GRIK2: variants seen among roughly 807,000 people sequenced by gnomAD.
GRIK2 encodes the protein glutamate ionotropic receptor kainate type subunit 2.
In GRIK2, 32 loss-of-function variants were observed where a neutral mutation model predicts 100.3. That is an observed-to-expected ratio of 0.32 (90% confidence interval 0.24 to 0.43). GRIK2 has a LOEUF of 0.43. Among genes scored for constraint, GRIK2 ranks in the 20% least tolerant of loss-of-function variants. GRIK2 has a pLI of 1.00. For synonymous variants in GRIK2, 417 were observed against 389.4 expected, an observed-to-expected ratio of 1.07 and a Z score of -0.83; for missense variants, 843 against 1,114.9, an observed-to-expected ratio of 0.76 and a Z score of 3.47.
intron 2 of GRIK2, among the ~76,000 whole-genome samples, chr6:101,457,999 A>T (rs971263436): frequency 1.3e-5 from 2 of 152,314 alleles, no homozygotes; most frequent in East Asian, 3.9e-4. Flanking sequence ...GCAGAAAGCA[A>T]AAGCACTTAA....
intron 1 of GRIK2, among the ~76,000 whole-genome samples, chr6:101,398,068 A>G (rs919437997): frequency 1.3e-5 from 2 of 152,188 alleles, no homozygotes; most frequent in African/African-American, 4.8e-5. Context: ...TAGTGACTCT[A>G]AATATTCCTA....
At chr6:101,760,428 A>G (rs1250792938) in intron 7 of GRIK2, among the ~76,000 whole-genome samples, 3 of 24,244 alleles carry the variant, frequency 1.2e-4, no homozygotes, top group Non-Finnish European at 1.8e-4. Flanking sequence ...AATTAATTAT[A>G]TTTAATTATA....
intron 8 of GRIK2, 116 bp downstream of exon 8, chr6:101,799,907 T>C (rs563410924): frequency 7.6e-6 from 6 of 790,272 alleles, no homozygotes; most frequent in Non-Finnish European, 1.0e-5. Context: ...TTAAATTTTC[T>C]CTCTTACTCC....
chr6:101,892,300 C>G (rs184940614), intron 12 of GRIK2, among the ~76,000 whole-genome samples: 13 of 152,276 alleles, frequency 8.5e-5, no homozygotes, highest in Admixed American at 5.2e-4. Context: ...AAAGCAAATA[C>G]TGAAACATCT....
intron 2 of GRIK2, among the ~76,000 whole-genome samples, chr6:101,471,486 TGGA>T (rs1417592686): frequency 2.0e-5 from 3 of 152,062 alleles, no homozygotes; most frequent in Non-Finnish European, 4.4e-5. Context: ...TTTTGACTAC[TGGA>T]ATCTAATTAT....
At chr6:102,045,433 G>C (rs1021119202) in intron 15 of GRIK2, among the ~76,000 whole-genome samples, 2 of 152,030 alleles carry the variant, frequency 1.3e-5, no homozygotes, top group African/African-American at 2.4e-5. Flanking sequence ...AAAGGAAAAA[G>C]ATAGTGAGAG....
intron 2 of GRIK2, among the ~76,000 whole-genome samples, chr6:101,423,352 A>C (rs1208846230): frequency 6.6e-6 from 1 of 152,204 alleles, no homozygotes; most frequent in Non-Finnish European, 1.5e-5. Context: ...CTCTATTTTT[A>C]AAATTTGGAT....
intron 2 of GRIK2, among the ~76,000 whole-genome samples, chr6:101,444,067 T>TCG (rs1770233082): frequency 7.2e-6 from 1 of 139,040 alleles, no homozygotes. Flanking sequence ...TTTTCCGGGT[T>TCG]TTTTTGTTTG....
chr6:101,504,649 A>T (rs1186954400), intron 2 of GRIK2, among the ~76,000 whole-genome samples: 1 of 151,976 alleles, frequency 6.6e-6, no homozygotes, highest in African/African-American at 2.4e-5. Context: ...GGATTTAGTA[A>T]TGGAACCTTT....
At chr6:101,493,167 T>A (rs536818014) in intron 2 of GRIK2, among the ~76,000 whole-genome samples, 2 of 151,994 alleles carry the variant, frequency 1.3e-5, no homozygotes, top group African/African-American at 4.8e-5. Context: ...ATACAATTAA[T>A]CAAGTTGTCC....
chr6:101,981,792 C>T (rs1364329038), intron 14 of GRIK2, among the ~76,000 whole-genome samples: 1 of 151,122 alleles, frequency 6.6e-6, no homozygotes, highest in African/African-American at 2.4e-5. Flanking sequence ...ATAAAATGGG[C>T]AAAGGAGAAG....
chr6:101,684,689 A>G (rs1771543864), intron 6 of GRIK2, among the ~76,000 whole-genome samples: 1 of 151,814 alleles, frequency 6.6e-6, no homozygotes, highest in African/African-American at 2.4e-5. Context: ...GCCATCAGAA[A>G]TGAAGACTCA....
intron 7 of GRIK2, among the ~76,000 whole-genome samples, chr6:101,782,796 A>T: frequency 6.6e-6 from 1 of 150,940 alleles, no homozygotes; most frequent in African/African-American, 2.4e-5. Context: ...ATTTTCCATA[A>T]TGGCTGTACT....
At chr6:101,400,440 G>C (rs1775237116) in intron 2 of GRIK2, among the ~76,000 whole-genome samples, 1 of 152,162 alleles carries the variant, frequency 6.6e-6, no homozygotes, top group African/African-American at 2.4e-5. Flanking sequence ...AAGCAGATAA[G>C]AGGAAGAAAG....
At chr6:101,928,385 T>C in intron 13 of GRIK2, 30 bp from the exon 14 acceptor site, 1 of 1,103,272 alleles carries the variant, frequency 9.1e-7, no homozygotes, top group South Asian at 1.2e-5. Flanking sequence ...TTCTCTATAT[T>C]CGTTTCACCT....
At position 101,764,189 on chromosome 6, in the gene GRIK2, C is replaced by G. The variant is rs190703753; in HGVS notation, c.952-35459C>G. 1.2e-3 allele frequency among the ~76,000 whole-genome samples: 184 copies of G among 152,184 alleles called. 2 individuals carry two copies. The highest frequency in any genetic ancestry group is 4.1e-3 in the African/African-American group (172 of 41,504). On this transcript the variant is annotated intron_variant, in intron 7 of 16. Coordinates refer to ENST00000369134, the MANE Select transcript of GRIK2 (RefSeq NM_021956.5). ...TACCTTTATTCCTGAGTGTCATTTG[C>G]TCTTGTGGTTCCAATCCTTCTCATA...
At chr6:101,625,139 C>T (rs530038993) in intron 3 of GRIK2, among the ~76,000 whole-genome samples, 3 of 151,836 alleles carry the variant, frequency 2.0e-5, no homozygotes, top group African/African-American at 2.4e-5. Flanking sequence ...TTTGGGAGGC[C>T]GAGGCGGGTG....
intron 10 of GRIK2, among the ~76,000 whole-genome samples, chr6:101,836,933 G>C (rs1219675141): frequency 6.6e-6 from 1 of 151,950 alleles, no homozygotes; most frequent in Non-Finnish European, 1.5e-5. Flanking sequence ...CAAAGTGCCA[G>C]GATTACAGGT....
chr6:101,467,212 C>T (rs1463843056), intron 2 of GRIK2, among the ~76,000 whole-genome samples: 1 of 152,092 alleles, frequency 6.6e-6, no homozygotes, highest in Non-Finnish European at 1.5e-5. Context: ...AGAGAAAGCA[C>T]TATGAATGGG....
Sources: allele counts gnomAD v4.1 joint callset (sites outside exome capture counted in the v4.1 genomes callset), GRCh38; gene constraint gnomAD v4.1.1; transcripts MANE v1.5; gene names NCBI Gene and HGNC (gene_info 2026-07-23, HGNC 2026-07-21).